The following NPAP1 variants were observed in gnomAD, a reference collection of about 807,000 sequenced individuals.
NPAP1 encodes the protein nuclear pore associated protein 1, also known as nuclear pore-associated protein 1.
For synonymous variants in NPAP1, 616 were observed against 581.4 expected (o/e 1.06, Z -0.86); for missense variants, 1,483 against 1,454.5 (o/e 1.02, Z -0.32).
In NPAP1 at chr15:24,676,046, C is replaced by T. The variant is rs1176931933; in HGVS notation, c.179C>T (p.Ser60Leu). 1 of 1,591,124 alleles carries T rather than the reference C, an allele frequency of 6.3e-7. No individual in the cohort carries two copies. The highest frequency in any genetic ancestry group is 8.5e-7 in the Non-Finnish European group (1 of 1,170,452). Residue 60 changes from serine (S) to leucine (L), a missense_variant, in exon 1 of 1, where the codon TCA becomes TTA. Physicochemically the swap from Ser to Leu is moderately radical, Grantham distance 145. Transcript: ENST00000329468. ...LFRRNARRRP[S>L]AASIFVAPKR... ...CGCCGGAACGCCCGTCGCAGGCCTTCAGCAGCCAGCATCTTCGTCGCCCCT... is the reference window on the plus strand; with the variant it reads ...CGCCGGAACGCCCGTCGCAGGCCTTTAGCAGCCAGCATCTTCGTCGCCCCT...
rs2141313236 is a variant in NPAP1 at position 24,678,697 on chromosome 15, G to C, written c.2830G>C (p.Gly944Arg). ...ACTGAGTGGCAGCATAATTCCACCA[G>C]GTTTTGCAGAGTTAACATCACCATA... is the stretch of plus-strand genomic sequence containing the variant. Reference protein sequence around the residue: ...QPLSGSIIPPGFAELTSPYTA... With the variant: ...QPLSGSIIPPRFAELTSPYTA... Residue 944 changes from glycine (G) to arginine (R), a missense_variant, in exon 1 of 1, where the codon GGT (glycine) becomes CGT (arginine). Gly to Arg is a moderately radical substitution (Grantham distance 125, BLOSUM62 -2). Coordinates refer to ENST00000329468, the MANE Select transcript of NPAP1 (RefSeq NM_018958.3). 6.2e-7 allele frequency: 1 copy of C among 1,614,192 alleles called. No individual in the cohort carries two copies. Among genetic ancestry groups the C allele is most frequent in the Non-Finnish European group, 8.5e-7 (1 of 1,180,052 alleles).
chr15:24,675,991 C>A lies in NPAP1; in HGVS notation c.124C>A (p.Pro42Thr), dbSNP rs377473013. Residue 42 changes from proline to threonine, a missense_variant, in exon 1 of 1, where the codon CCC becomes ACC. Physicochemically the swap from Pro to Thr is conservative, Grantham distance 38. Transcript: ENST00000329468. ...ASPPGRAHSV[P>T]TPRPFRGLFR... Reference sequence around the variant, plus strand: ...CCCGCCCGGTCGGGCTCACTCTGTACCCACCCCGCGCCCTTTCCGCGGCCT... The same window carrying A: ...CCCGCCCGGTCGGGCTCACTCTGTAACCACCCCGCGCCCTTTCCGCGGCCT... 1.2e-6 allele frequency: 2 copies of A among 1,601,646 alleles called. No homozygotes were observed. The highest frequency in any genetic ancestry group is 8.5e-7 in the Non-Finnish European group (1 of 1,175,364).
Position 24,681,399 on chromosome 15 carries a change from A to G in NPAP1, c.*2061A>G. 6.2e-6 allele frequency: 1 copy of G among 162,480 alleles called. No homozygotes were observed. 10.1% of individuals were successfully genotyped at this position (162,480 alleles called of 1,614,324 possible). A position where few individuals can be genotyped will look rare whatever the true frequency, so the allele number is the denominator to read the frequency against. ...TTAGATGATAGATAGATAGATAGAT[A>G]GATGATAACGTTATGGACTGAATGT... On this transcript the variant is annotated 3_prime_UTR_variant, in exon 1 of 1. Transcript: ENST00000329468.
In NPAP1 at chr15:24,676,985, C is replaced by A. The variant is rs1328283516; in HGVS notation, c.1118C>A (p.Pro373His). 1 of 1,613,920 alleles carries A rather than the reference C, an allele frequency of 6.2e-7. No individual in the cohort carries two copies. Among genetic ancestry groups the A allele is most frequent in the Non-Finnish European group, 8.5e-7 (1 of 1,180,008 alleles). The change falls in exon 1 of 1, where the codon CCT becomes CAT. Residue 373 changes from proline to histidine, a missense_variant. Physicochemically the swap from Pro to His is moderately conservative, Grantham distance 77. Coordinates refer to ENST00000329468, the MANE Select transcript of NPAP1 (RefSeq NM_018958.3). Reference sequence around the variant, plus strand: ...GACCTACACACCTTGGAGAAGAGCCCTGAGTATAAAAGGAATAGCAGAATC... The same window carrying A: ...GACCTACACACCTTGGAGAAGAGCCATGAGTATAAAAGGAATAGCAGAATC... ...EGDLHTLEKS[P>H]EYKRNSRILE...
In NPAP1 at chr15:24,679,208, C is replaced by G. The variant is rs200508480; in HGVS notation, c.3341C>G (p.Pro1114Arg). 6.2e-7 allele frequency: 1 copy of G among 1,614,166 alleles called. No individual in the cohort carries two copies. The highest frequency in any genetic ancestry group is 8.5e-7 in the Non-Finnish European group (1 of 1,180,032). The change falls in exon 1 of 1, where the codon CCT (proline) becomes CGT (arginine). Residue 1114 changes from proline (P) to arginine (R), a missense_variant. Physicochemically the swap from Pro to Arg is moderately radical, Grantham distance 103. Transcript: ENST00000329468. ...GGCACCAGATCCATAGTTGGAGGCC[C>G]TTGTGTTCCTGCTTTTCAACAGTGC... ...GDGTRSIVGG[P>R]CVPAFQQCIL...
In NPAP1 at chr15:24,678,814, A is replaced by C; in HGVS notation, c.2947A>C (p.Arg983=). 6.2e-7 allele frequency: 1 copy of C among 1,614,230 alleles called. No homozygotes were observed. Among genetic ancestry groups the C allele is most frequent in the Non-Finnish European group, 8.5e-7 (1 of 1,180,038 alleles). The change falls in exon 1 of 1, where the codon AGA becomes CGA. Residue 983 remains arginine, a synonymous_variant. Coordinates refer to ENST00000329468, the MANE Select transcript of NPAP1 (RefSeq NM_018958.3). ...TGGCACAGCAAAGACTTCTGGATTTAGAATTGCCACTGGGATGCCTGGCAC... is the reference window on the plus strand; with the variant it reads ...TGGCACAGCAAAGACTTCTGGATTTCGAATTGCCACTGGGATGCCTGGCAC... ...PNGTAKTSGF[R]IATGMPGTGD...
Position 24,678,431 on chromosome 15 carries a change from C to T in NPAP1, c.2564C>T (p.Pro855Leu), listed in dbSNP as rs1226779347. The T allele has an allele frequency of 1.9e-6, 3 of 1,614,076 alleles. No homozygotes were observed. The highest frequency in any genetic ancestry group is 2.5e-6 in the Non-Finnish European group (3 of 1,180,036). ...EEYIRFYMGL[P>L]GSGNTLHSDS... is the part of the protein sequence containing the mutation. ...TACATCCGATTTTATATGGGGCTTC[C>T]TGGTTCTGGGAACACACTACACAGT... The change falls in exon 1 of 1, where the codon CCT becomes CTT. Residue 855 changes from proline to leucine, a missense_variant. Coordinates refer to ENST00000329468, the MANE Select transcript of NPAP1 (RefSeq NM_018958.3).
At position 24,676,781 on chromosome 15, in the gene NPAP1, A is replaced by G. The variant is rs745984844; in HGVS notation, c.914A>G (p.Glu305Gly). The G allele has an allele frequency of 1.2e-6, 2 of 1,613,476 alleles. No homozygotes were observed. The highest frequency in any genetic ancestry group is 4.5e-5 in the East Asian group (2 of 44,868). ...ATGTCCGGAAAGAGGATGCCTGATG[A>G]GAAGCCTTTCTGTATTCCTCCAAGG... is the stretch of plus-strand genomic sequence containing the variant. ...PLMSGKRMPD[E>G]KPFCIPPRSA... The change falls in exon 1 of 1, where the codon GAG becomes GGG. Residue 305 changes from glutamate (E) to glycine (G), a missense_variant. Physicochemically the swap from Glu to Gly is moderately conservative, Grantham distance 98. Transcript: ENST00000329468.
In NPAP1 at chr15:24,676,665, C is replaced by A; in HGVS notation, c.798C>A (p.Ala266=). ...DPDATAPPEP[A]VGCSLLQQKL... ...ATGCAACAGCGCCCCCTGAGCCAGC[C>A]GTTGGCTGCTCCCTGCTGCAGCAGA... Residue 266 remains alanine (A), a synonymous_variant, in exon 1 of 1, where the codon GCC becomes GCA. Transcript: ENST00000329468. The A allele has an allele frequency of 6.2e-7, 1 of 1,614,050 alleles. No individual in the cohort carries two copies. The highest frequency in any genetic ancestry group is 8.5e-7 in the Non-Finnish European group (1 of 1,180,038).
chr15:24,677,017 G>A lies in NPAP1; in HGVS notation c.1150G>A (p.Asp384Asn), dbSNP rs2048981245. 2 of 1,613,794 alleles carry A rather than the reference G, an allele frequency of 1.2e-6. No homozygotes were observed. Among genetic ancestry groups the A allele is most frequent in the African/African-American group, 2.7e-5 (2 of 74,848 alleles). The stretch of plus-strand genomic sequence containing the variant: ...TAAAAGGAATAGCAGAATCTTGGAG[G>A]ATAAAACAGAGACCATGACAAACAG... ...EYKRNSRILE[D>N]KTETMTNSSI... The change falls in exon 1 of 1, where the codon GAT becomes AAT. Residue 384 changes from aspartate (D) to asparagine (N), a missense_variant. Transcript: ENST00000329468.
Position 24,678,496 on chromosome 15 carries a change from G to T in NPAP1, c.2629G>T (p.Ala877Ser), listed in dbSNP as rs1349400472. ...ASAQVSTSFP[A>S]QADRRPTTTS... ...AGCCCAAGTCTCCACCAGTTTTCCTGCACAGGCAGATAGGAGACCAACCAC... is the reference window on the plus strand; with the variant it reads ...AGCCCAAGTCTCCACCAGTTTTCCTTCACAGGCAGATAGGAGACCAACCAC... Residue 877 changes from alanine (A) to serine (S), a missense_variant, in exon 1 of 1, where the codon GCA becomes TCA. Coordinates refer to ENST00000329468, the MANE Select transcript of NPAP1 (RefSeq NM_018958.3). The T allele has an allele frequency of 1.2e-6, 2 of 1,614,190 alleles. No individual in the cohort carries two copies. The highest frequency in any genetic ancestry group is 2.2e-5 in the East Asian group (1 of 44,884).
rs1166192615 is a variant in NPAP1, at chr15:24,676,723, C to T, written c.856C>T (p.Pro286Ser). The T allele has an allele frequency of 3.1e-6, 5 of 1,613,906 alleles. No homozygotes were observed. The highest frequency in any genetic ancestry group is 3.4e-6 in the Non-Finnish European group (4 of 1,180,048). The change falls in exon 1 of 1, where the codon CCG becomes TCG. Residue 286 changes from proline (P) to serine (S), a missense_variant. Physicochemically the swap from Pro to Ser is moderately conservative, Grantham distance 74. Transcript: ENST00000329468. ...TGCGGAAGTGCTGAATGAAGAGCCACCGCCCAGCTCCCTAGGCTTGCCGAT... is the reference window on the plus strand; with the variant it reads ...TGCGGAAGTGCTGAATGAAGAGCCATCGCCCAGCTCCCTAGGCTTGCCGAT... ...LAAEVLNEEPPPSSLGLPIPL... is the reference protein window; with the variant it reads ...LAAEVLNEEPSPSSLGLPIPL...
chr15:24,676,906 G>T lies in NPAP1; in HGVS notation c.1039G>T (p.Asp347Tyr), dbSNP rs34629208. The change falls in exon 1 of 1, where the codon GAT (aspartate) becomes TAT (tyrosine). Residue 347 changes from aspartate (D) to tyrosine (Y), a missense_variant. Asp to Tyr is a radical substitution (Grantham distance 160). Coordinates refer to ENST00000329468, the MANE Select transcript of NPAP1 (RefSeq NM_018958.3). The stretch of plus-strand genomic sequence containing the variant: ...GCCCCCTTCACTGCCATTGCTGTGG[G>T]ATCGAGGTGAGCTTCCCCCACCTGC... ...PLPPSLPLLW[D>Y]RGELPPPAKL... 10,103 of 1,613,684 alleles carry T rather than the reference G, an allele frequency of 6.3e-3. 44 individuals carry two copies. Among genetic ancestry groups the T allele is most frequent in the Non-Finnish European group, 7.7e-3 (9,104 of 1,180,016 alleles).
Position 24,677,032 on chromosome 15 carries a change from A to G in NPAP1, c.1165A>G (p.Met389Val), listed in dbSNP as rs778049181. The G allele has an allele frequency of 6.2e-7, 1 of 1,613,998 alleles. No homozygotes were observed. The highest frequency in any genetic ancestry group is 8.5e-7 in the Non-Finnish European group (1 of 1,180,002). The change falls in exon 1 of 1, where the codon ATG becomes GTG. Residue 389 changes from methionine to valine, a missense_variant. Transcript: ENST00000329468. Reference protein sequence around the residue: ...SRILEDKTETMTNSSITQPAP... With the variant: ...SRILEDKTETVTNSSITQPAP... ...AATCTTGGAGGATAAAACAGAGACC[A>G]TGACAAACAGCAGCATCACCCAGCC...
In NPAP1 at chr15:24,681,379, TGATA is replaced by T. The variant is rs139405338; in HGVS notation, c.*2061_*2064del. On this transcript the variant is annotated 3_prime_UTR_variant, in exon 1 of 1. Coordinates refer to ENST00000329468, the MANE Select transcript of NPAP1 (RefSeq NM_018958.3). ...TGGATAGACGGATGGATAGATTAGA[TGATA>T]GATAGATAGATAGATAGATGATAAC... 0.13 allele frequency: 21,657 copies of T among 165,126 alleles called. 1,569 individuals carry two copies. Among genetic ancestry groups the T allele is most frequent in the Non-Finnish European group, 0.16 (11,029 of 67,988 alleles). The allele number at this position is 165,126 out of a possible 1,614,324, so 10.2% of individuals were successfully genotyped here. A position where few individuals can be genotyped will look rare whatever the true frequency, so the allele number is the denominator to read the frequency against.
In NPAP1 at chr15:24,679,021, T is replaced by C. The variant is rs774737488; in HGVS notation, c.3154T>C (p.Phe1052Leu). The change falls in exon 1 of 1, where the codon TTC (phenylalanine) becomes CTC (leucine). Residue 1052 changes from phenylalanine (F) to leucine (L), a missense_variant. Physicochemically the swap from Phe to Leu is conservative, Grantham distance 22. Transcript: ENST00000329468. ...QSGTPSTTSV[F>L]PFGQAAWDPT... ...TGGGACACCCAGCACCACTTCTGTT[T>C]TCCCATTTGGTCAGGCAGCCTGGGA... is the stretch of plus-strand genomic sequence containing the variant. 6.2e-7 allele frequency: 1 copy of C among 1,614,174 alleles called. No individual in the cohort carries two copies. Among genetic ancestry groups the C allele is most frequent in the Non-Finnish European group, 8.5e-7 (1 of 1,180,040 alleles).
rs2141311663 is a variant in NPAP1 at position 24,678,027 on chromosome 15, C to T, written c.2160C>T (p.Tyr720=). 1 of 1,613,898 alleles carries T rather than the reference C, an allele frequency of 6.2e-7. No individual in the cohort carries two copies. ...ILQSASVSKK[Y]LPFYLGLPGS... is the part of the protein sequence containing the mutation. Reference sequence around the variant, plus strand: ...AGTCTGCCTCTGTCTCCAAGAAGTACCTCCCATTTTACCTGGGGCTTCCTG... The same window carrying T: ...AGTCTGCCTCTGTCTCCAAGAAGTATCTCCCATTTTACCTGGGGCTTCCTG... Residue 720 remains tyrosine (Y), a synonymous_variant, in exon 1 of 1, where the codon TAC becomes TAT. Transcript: ENST00000329468.
In NPAP1 at chr15:24,679,022, T is replaced by C; in HGVS notation, c.3155T>C (p.Phe1052Ser). The change falls in exon 1 of 1, where the codon TTC becomes TCC. Residue 1052 changes from phenylalanine to serine, a missense_variant. Transcript: ENST00000329468. ...QSGTPSTTSV[F>S]PFGQAAWDPT... ...GGGACACCCAGCACCACTTCTGTTT[T>C]CCCATTTGGTCAGGCAGCCTGGGAC... The C allele has an allele frequency of 6.2e-7, 1 of 1,614,176 alleles. No homozygotes were observed. Among genetic ancestry groups the C allele is most frequent in the Non-Finnish European group, 8.5e-7 (1 of 1,180,034 alleles).
rs778982642 is a variant in NPAP1 at position 24,677,072 on chromosome 15, C to T, written c.1205C>T (p.Ser402Phe). ...SSITQPAPSF[S>F]QPVQTTDSLP... ...ATCACCCAGCCTGCCCCTTCTTTCT[C>T]CCAACCTGTGCAGACCACAGACTCC... Residue 402 changes from serine to phenylalanine, a missense_variant, in exon 1 of 1, where the codon TCC (serine) becomes TTC (phenylalanine). Coordinates refer to ENST00000329468, the MANE Select transcript of NPAP1 (RefSeq NM_018958.3). The T allele has an allele frequency of 1.4e-5, 23 of 1,614,102 alleles. No individual in the cohort carries two copies. The highest frequency in any genetic ancestry group is 3.3e-4 in the Middle Eastern group (2 of 6,060).
Sources: gnomAD v4.1 joint callset for allele counts on GRCh38, gnomAD v4.1.1 for gene constraint, MANE v1.5 for transcripts, NCBI Gene and HGNC (gene_info 2026-07-23, HGNC 2026-07-21) for gene names.